Variants in ITPR2 observed in about 807,000 individuals in gnomAD.
ITPR2 encodes inositol 1,4,5-trisphosphate receptor type 2.
A neutral mutation model predicts 317.1 loss-of-function variants in ITPR2; 207 were observed. That is an observed-to-expected ratio of 0.65 (90% CI 0.58 to 0.73). The LOEUF (loss-of-function observed/expected upper bound fraction) is 0.73. Ranked by LOEUF, ITPR2 falls within the 30% of genes least tolerant of loss-of-function variation. The probability of loss-of-function intolerance (pLI) is 0.00; values close to 1 mark genes in which losing one functional copy is unlikely to be tolerated. For synonymous variants in ITPR2, 1,156 were observed against 1,149.1 expected (o/e 1.01, Z -0.12); for missense variants, 2,613 against 3,284.0 (o/e 0.80, Z 4.99).
chr12:26,413,182 C>CAGCT (rs1219966091), intron 51 of ITPR2, among the ~76,000 whole-genome samples: 3 of 152,224 alleles, frequency 2.0e-5, no homozygotes, highest in Non-Finnish European at 4.4e-5. Context: ...GCTCAAGTGG[C>CAGCT]AGCTACTTCA....
At chr12:26,701,749 G>A (rs1420320445) in intron 9 of ITPR2, among the ~76,000 whole-genome samples, 2 of 152,152 alleles carry the variant, frequency 1.3e-5, no homozygotes, top group Non-Finnish European at 2.9e-5. Flanking sequence ...TGGGTTTTTA[G>A]CTAATTAATT....
intron 10 of ITPR2, among the ~76,000 whole-genome samples, chr12:26,690,241 AG>A (rs1948210638): frequency 6.6e-6 from 1 of 152,234 alleles, no homozygotes; most frequent in Non-Finnish European, 1.5e-5. Context: ...AAATGTTATC[AG>A]TCATATTGAA....
At chr12:26,627,157 C>CCA (rs1199296157) in intron 23 of ITPR2, 5 of 152,050 alleles carry the variant, frequency 3.3e-5, no homozygotes, top group African/African-American at 9.7e-5. Context: ...TAAAAAAAAT[C>CCA]CACACACACA....
chr12:26,709,043 A>G (rs901314458), intron 9 of ITPR2, among the ~76,000 whole-genome samples: 1 of 152,208 alleles, frequency 6.6e-6, no homozygotes, highest in Non-Finnish European at 1.5e-5. Flanking sequence ...TGATTTGGCC[A>G]CACCTCTAGA....
intron 37 of ITPR2, among the ~76,000 whole-genome samples, chr12:26,497,617 C>T (rs1942969740): frequency 6.6e-6 from 1 of 152,162 alleles, no homozygotes; most frequent in Non-Finnish European, 1.5e-5. Context: ...CATGGCATAG[C>T]CTGTCTACTA....
intron 36 of ITPR2, among the ~76,000 whole-genome samples, chr12:26,552,198 T>A (rs1003959059): frequency 3.3e-5 from 5 of 152,058 alleles, no homozygotes; most frequent in African/African-American, 9.7e-5. Flanking sequence ...AGTTTTTTTT[T>A]AATTTATTTA....
intron 37 of ITPR2, among the ~76,000 whole-genome samples, chr12:26,517,463 A>G (rs953814379): frequency 2.6e-5 from 4 of 152,212 alleles, no homozygotes; most frequent in Admixed American, 6.5e-5. Context: ...AATATTACTA[A>G]TCACTAGAGA....
Position 26,495,364 on chromosome 12 carries a change from C to T in ITPR2, c.5074-104G>A, listed in dbSNP as rs1442593150. ...ATGCATTTTGTGAATGATGTTGAGG[C>T]ATGGAAAAATTAACTTTCTATCAGA... On this transcript the variant is annotated intron_variant, in intron 37 of 56. Coordinates refer to ENST00000381340, the MANE Select transcript of ITPR2 (RefSeq NM_002223.4). 1.0e-5 allele frequency: 6 copies of T among 600,382 alleles called. No individual in the cohort carries two copies. In the African/African-American group the frequency reaches 1.2e-4, roughly 12 times the overall value. The allele number at this position is 600,382 out of a possible 1,614,324, so 37.2% of individuals were successfully genotyped here. A position where few individuals can be genotyped will look rare whatever the true frequency, so the allele number is the denominator to read the frequency against.
At chr12:26,603,974 G>A (rs1946061847) in intron 26 of ITPR2, among the ~76,000 whole-genome samples, 1 of 152,104 alleles carries the variant, frequency 6.6e-6, no homozygotes, top group Non-Finnish European at 1.5e-5. Flanking sequence ...CTAAACTCCT[G>A]ACTATAATGA....
At chr12:26,550,418 T>A in intron 36 of ITPR2, 63 bp from the exon 37 acceptor site, 1 of 739,950 alleles carries the variant, frequency 1.4e-6, no homozygotes, top group Non-Finnish European at 2.3e-6. Context: ...TATACAAACA[T>A]CAAAGGCCAT....
At chr12:26,666,200 C>T in intron 13 of ITPR2, 149 bp from the exon 14 acceptor site, 1 of 404,802 alleles carries the variant, frequency 2.5e-6, no homozygotes. Context: ...GAACTCAAAT[C>T]CATGGAAATT....
At chr12:26,685,053 G>C (rs944437252) in intron 11 of ITPR2, among the ~76,000 whole-genome samples, 1 of 152,120 alleles carries the variant, frequency 6.6e-6, no homozygotes, top group East Asian at 1.9e-4. Flanking sequence ...TTTCTCAATA[G>C]TGTTATTATA....
At chr12:26,432,160 A>G (rs532168545) in intron 48 of ITPR2, among the ~76,000 whole-genome samples, 1 of 152,294 alleles carries the variant, frequency 6.6e-6, no homozygotes, top group Non-Finnish European at 1.5e-5. Flanking sequence ...ATCTAGTCAA[A>G]GTTAGTCAAT....
chr12:26,693,467 A>G (rs779374404), intron 10 of ITPR2, among the ~76,000 whole-genome samples: 1 of 152,200 alleles, frequency 6.6e-6, no homozygotes, highest in Non-Finnish European at 1.5e-5. Context: ...GACCCCCTGC[A>G]AATACAAAAA....
At chr12:26,744,532 A>G (rs1393923242) in intron 2 of ITPR2, among the ~76,000 whole-genome samples, 4 of 152,234 alleles carry the variant, frequency 2.6e-5, no homozygotes, top group Non-Finnish European at 5.9e-5. Flanking sequence ...TCTACATAGC[A>G]TGTCACCATC....
intron 45 of ITPR2, among the ~76,000 whole-genome samples, chr12:26,463,701 A>G (rs1196732113): frequency 7.6e-6 from 1 of 130,810 alleles, no homozygotes; most frequent in Admixed American, 7.9e-5. Flanking sequence ...AAACAAACAA[A>G]AAAAAAACAA....
intron 46 of ITPR2, among the ~76,000 whole-genome samples, 186 bp downstream of exon 46, chr12:26,443,357 C>T (rs1331991538): frequency 6.6e-6 from 1 of 152,020 alleles, no homozygotes; most frequent in Non-Finnish European, 1.5e-5. Flanking sequence ...AAAAAGACAA[C>T]TTTGAAAGAT....
At chr12:26,434,133 T>C (rs1941291084) in intron 48 of ITPR2, among the ~76,000 whole-genome samples, 1 of 152,020 alleles carries the variant, frequency 6.6e-6, no homozygotes, top group African/African-American at 2.4e-5. Flanking sequence ...AAATCCGTTA[T>C]TTCAAGTCCT....
chr12:26,372,112 T>A (rs1330344826), intron 55 of ITPR2, among the ~76,000 whole-genome samples: 1 of 152,186 alleles, frequency 6.6e-6, no homozygotes, highest in Non-Finnish European at 1.5e-5. Context: ...CAAGGTCCTC[T>A]TCCCATGCTA....
Sources: allele counts gnomAD v4.1 joint callset (sites outside exome capture counted in the v4.1 genomes callset), GRCh38; gene constraint gnomAD v4.1.1; transcripts MANE v1.5; gene names NCBI Gene and HGNC (gene_info 2026-07-23, HGNC 2026-07-21).